The following PLOD2 variants were observed in gnomAD, a reference collection of about 807,000 sequenced individuals.
PLOD2 encodes the protein procollagen-lysine,2-oxoglutarate 5-dioxygenase 2, also known as lysine hydroxylase 2.
Under a neutral mutation model 101.0 loss-of-function variants are expected in PLOD2, and 65 were observed. The observed-to-expected ratio is 0.64, with a 90% CI of 0.53 to 0.79. PLOD2 has a LOEUF of 0.79. Ranked by LOEUF, PLOD2 falls within the 30% of genes least tolerant of loss-of-function variation. The pLI is 0.00. For missense variants in PLOD2, 909 were observed against 914.6 expected (o/e 0.99, Z 0.08); for synonymous variants, 314 against 302.9 (o/e 1.04, Z -0.38).
chr3:146,109,943 C>CT (rs1937598842), intron 4 of PLOD2, among the ~76,000 whole-genome samples: 1 of 151,864 alleles, frequency 6.6e-6, no homozygotes, highest in Non-Finnish European at 1.5e-5. Context: ...AGGAAGCTTA[C>CT]TAAACTTATT....
At position 146,070,022 on chromosome 3, in the gene PLOD2, AT is replaced by A. The variant is rs1234479618; in HGVS notation, c.*694del. On this transcript the variant is annotated 3_prime_UTR_variant, in exon 20 of 20. Transcript: ENST00000282903. ...TTCCTAAATCTAATACCTGCTTAATATAATCCACTTTGGAAGATTCATCTGA... is the reference window on the plus strand; with the variant it reads ...TTCCTAAATCTAATACCTGCTTAATAAATCCACTTTGGAAGATTCATCTGA... 7.9e-5 allele frequency: 12 copies of A among 152,082 alleles called. No individual in the cohort carries two copies. The highest frequency in any genetic ancestry group is 3.4e-3 in the Middle Eastern group (1 of 294). The allele number at this position is 152,082 out of a possible 1,614,324, so 9.4% of individuals were successfully genotyped here.
rs147328628 is a variant in PLOD2 at position 146,157,914 on chromosome 3, C to A, written c.109+2967G>T. Among the ~76,000 whole-genome samples, 278 of 152,254 alleles carry A rather than the reference C, an allele frequency of 1.8e-3. 2 individuals carry two copies. Among genetic ancestry groups the A allele is most frequent in the African/African-American group, 6.4e-3 (267 of 41,552 alleles). On this transcript the variant is annotated intron_variant, in intron 1 of 19. Coordinates refer to ENST00000282903, the MANE Select transcript of PLOD2 (RefSeq NM_182943.3). The stretch of plus-strand genomic sequence containing the variant: ...TTTGCATCAGTAGATAGGGACAAAC[C>A]TTTCCTTTTTTCCTTGAATGTACCA...
Position 146,115,880 on chromosome 3 carries a change from A to T in PLOD2, c.338+5232T>A, listed in dbSNP as rs114791873. Among the ~76,000 whole-genome samples, 474 of 152,330 alleles carry T rather than the reference A, an allele frequency of 3.1e-3. 1 individual carries two copies. The highest frequency in any genetic ancestry group is 4.2e-3 in the Admixed American group (64 of 15,286). On this transcript the variant is annotated intron_variant, in intron 3 of 19. Transcript: ENST00000282903. ...AAGCCACCACAGACAATATGTAAAC[A>T]AATGAGCACAGCTGCATTTCAATAA...
intron 1 of PLOD2, among the ~76,000 whole-genome samples, chr3:146,150,053 G>T (rs143160258): frequency 3.3e-4 from 50 of 152,188 alleles, no homozygotes; most frequent in Middle Eastern, 3.4e-3. Context: ...CTGTGACAAT[G>T]ACCTAGCAAG....
Position 146,155,515 on chromosome 3 carries a change from A to G in PLOD2, c.109+5366T>C, listed in dbSNP as rs1012126023. Among the ~76,000 whole-genome samples the G allele has an allele frequency of 4.0e-5, 6 of 151,594 alleles. No individual in the cohort carries two copies. The South Asian group carries it at 1.0e-3, about 26-fold the overall frequency. ...ATCACGAGGTCAGGAGTTCAAGACCAGCCTAGCCAAGATGGTGAAACCCCA... is the reference window on the plus strand; with the variant it reads ...ATCACGAGGTCAGGAGTTCAAGACCGGCCTAGCCAAGATGGTGAAACCCCA... On this transcript the variant is annotated intron_variant, in intron 1 of 19. Coordinates refer to ENST00000282903, the MANE Select transcript of PLOD2 (RefSeq NM_182943.3).
chr3:146,126,238 A>G (rs1266354006), intron 1 of PLOD2, among the ~76,000 whole-genome samples: 3 of 152,148 alleles, frequency 2.0e-5, no homozygotes, highest in Non-Finnish European at 2.9e-5. Context: ...ACCAAATCAC[A>G]AATACATAAT....
intron 4 of PLOD2, among the ~76,000 whole-genome samples, chr3:146,107,811 T>G (rs2108064603): frequency 6.6e-6 from 1 of 151,900 alleles, no homozygotes; most frequent in Admixed American, 6.6e-5. Flanking sequence ...GCCCGACTAA[T>G]TTTTGTATTT....
At chr3:146,106,690 C>T (rs184529497) in intron 4 of PLOD2, 46 bp from the exon 5 acceptor site, 34 of 954,678 alleles carry the variant, frequency 3.6e-5, no homozygotes, top group Admixed American at 5.1e-5. Context: ...ATTCAAAGAC[C>T]AAAACTGGTG....
rs754307690 is a variant in PLOD2, at chr3:146,085,220, T to C, written c.1181A>G (p.Asp394Gly). ...AGTCCTTGGATTTGTCAAAACAACA[T>C]CTGCATCCACACTAAAGTAATAATC... ...KCDYYFSVDA[D>G]VVLTNPRTLK... Residue 394 changes from aspartate (D) to glycine (G), a missense_variant, in exon 11 of 20, where the codon GAT (aspartate) becomes GGT (glycine). By Grantham distance (94) the Asp-to-Gly change is moderately conservative. Coordinates refer to ENST00000282903, the MANE Select transcript of PLOD2 (RefSeq NM_182943.3). 6.2e-7 allele frequency: 1 copy of C among 1,608,956 alleles called. No individual in the cohort carries two copies. Among genetic ancestry groups the C allele is most frequent in the Non-Finnish European group, 8.5e-7 (1 of 1,175,644 alleles).
At chr3:146,075,275 C>A (rs1408499039) in intron 15 of PLOD2, among the ~76,000 whole-genome samples, 1 of 151,560 alleles carries the variant, frequency 6.6e-6, no homozygotes, top group Admixed American at 6.6e-5. Flanking sequence ...CATATCTCAA[C>A]TATTCCTACA....
At chr3:146,096,882 G>GGGGGA (rs1167159700) in intron 7 of PLOD2, among the ~76,000 whole-genome samples, 2 of 76,270 alleles carry the variant, frequency 2.6e-5, no homozygotes, top group Admixed American at 1.1e-4. Flanking sequence ...GAGGGAGGTG[G>GGGGGA]GGGGGGGGAG....
chr3:146,158,518 A>G (rs2032407795), intron 1 of PLOD2, among the ~76,000 whole-genome samples: 1 of 152,166 alleles, frequency 6.6e-6, no homozygotes, highest in Admixed American at 6.5e-5. Flanking sequence ...TAAACTGAAA[A>G]TCACTATAAA....
intron 1 of PLOD2, among the ~76,000 whole-genome samples, chr3:146,148,038 A>G (rs545158168): frequency 1.8e-4 from 28 of 152,314 alleles, no homozygotes; most frequent in Non-Finnish European, 3.1e-4. Context: ...TTGAAAAACA[A>G]TATTTAGGCT....
chr3:146,131,674 T>C (rs2030920241), intron 1 of PLOD2, among the ~76,000 whole-genome samples: 1 of 152,176 alleles, frequency 6.6e-6, no homozygotes, highest in African/African-American at 2.4e-5. Flanking sequence ...TCCAGGATCC[T>C]GCAGTTAAGT....
chr3:146,107,116 G>A (rs1484592413), intron 4 of PLOD2, among the ~76,000 whole-genome samples: 1 of 152,166 alleles, frequency 6.6e-6, no homozygotes, highest in Non-Finnish European at 1.5e-5. Context: ...GCAATCAAAC[G>A]AATGCTGGAT....
In PLOD2 at chr3:146,161,090, T is replaced by C. The variant is rs1266599262; in HGVS notation, c.-101A>G. 8.5e-6 allele frequency: 6 copies of C among 704,010 alleles called. No individual in the cohort carries two copies. The highest frequency in any genetic ancestry group is 8.2e-5 in the Admixed American group (2 of 24,266). 43.6% of individuals were successfully genotyped at this position (704,010 alleles called of 1,614,324 possible). A position where few individuals can be genotyped will look rare whatever the true frequency, so the allele number is the denominator to read the frequency against. On this transcript the variant is annotated 5_prime_UTR_variant, in exon 1 of 20. Coordinates refer to ENST00000282903, the MANE Select transcript of PLOD2 (RefSeq NM_182943.3). ...ACCCGGGTCCGCCCTGAGCCGCCGA[T>C]TGCGGGCGGGAGCCGGCGGGCAAGG... is the stretch of plus-strand genomic sequence containing the variant.
At chr3:146,134,524 A>G (rs949687309) in intron 1 of PLOD2, among the ~76,000 whole-genome samples, 2 of 152,206 alleles carry the variant, frequency 1.3e-5, no homozygotes, top group Non-Finnish European at 2.9e-5. Flanking sequence ...GGATGGGGTA[A>G]CCCATCTGCT....
At chr3:146,155,341 T>A (rs1218329573) in intron 1 of PLOD2, among the ~76,000 whole-genome samples, 17 of 147,800 alleles carry the variant, frequency 1.2e-4, no homozygotes, top group Admixed American at 6.1e-4. Context: ...ATTAATTAAT[T>A]AATTAATTAA....
chr3:146,128,909 T>TTTTTTG (rs1491137765), intron 1 of PLOD2, among the ~76,000 whole-genome samples: 1 of 95,218 alleles, frequency 1.1e-5, no homozygotes, highest in Admixed American at 1.2e-4. Flanking sequence ...TTTTTTTTTT[T>TTTTTTG]GAGACGGAGT....
Sources: allele counts gnomAD v4.1 joint callset (sites outside exome capture counted in the v4.1 genomes callset), GRCh38; gene constraint gnomAD v4.1.1; transcripts MANE v1.5; gene names NCBI Gene and HGNC (gene_info 2026-07-23, HGNC 2026-07-21).